LPIN1: variants seen among roughly 807,000 people sequenced by gnomAD.
LPIN1 encodes phosphatidate phosphatase LPIN1.
Under a neutral mutation model 107.5 loss-of-function variants are expected in LPIN1, and 71 were observed. The ratio of observed to expected loss-of-function variants is 0.66; its 90% CI spans 0.55 to 0.80. LPIN1 has a LOEUF of 0.80. LPIN1 is among the 30% of genes least tolerant of loss of function. The probability of loss-of-function intolerance (pLI) is 0.00; values close to 1 mark genes in which losing one functional copy is unlikely to be tolerated. For missense variants in LPIN1, 1,043 were observed against 1,160.6 expected, an observed-to-expected ratio of 0.90 and a Z score of 1.47; for synonymous variants, 445 against 452.6, an observed-to-expected ratio of 0.98 and a Z score of 0.21.
At chr2:11,768,360 C>T (rs867176923) in intron 3 of LPIN1, among the ~76,000 whole-genome samples, 14 of 152,252 alleles carry the variant, frequency 9.2e-5, no homozygotes, top group African/African-American at 3.4e-4. Context: ...TTCATCAACC[C>T]CAAAAGAAAC....
Position 11,802,947 on chromosome 2 carries a change from G to A in LPIN1, c.1927G>A (p.Ala643Thr), listed in dbSNP as rs1678025189. 1.2e-6 allele frequency: 2 copies of A among 1,613,380 alleles called. No individual in the cohort carries two copies. The highest frequency in any genetic ancestry group is 1.7e-5 in the Admixed American group (1 of 60,014). The change falls in exon 15 of 21, where the codon GCT becomes ACT. Residue 643 changes from alanine to threonine, a missense_variant. By Grantham distance (58) the Ala-to-Thr change is moderately conservative. Transcript: ENST00000674199. The stretch of plus-strand genomic sequence containing the variant: ...ATCCTCCAGTGATGAGGAGCGCGCA[G>A]CTGCCAAGCCATCAAACGCAGGCCA... ...ESSSSDEERAAAKPSNAGHLP... is the reference protein window; with the variant it reads ...ESSSSDEERATAKPSNAGHLP...
chr2:11,822,687 T>G (rs1277103354), intron 20 of LPIN1, among the ~76,000 whole-genome samples: 5 of 152,086 alleles, frequency 3.3e-5, no homozygotes, highest in Non-Finnish European at 7.4e-5. Flanking sequence ...ACGTGGGAAT[T>G]CAAGATGAGA....
At chr2:11,751,157 C>T (rs1667730283) in intron 1 of LPIN1, among the ~76,000 whole-genome samples, 2 of 152,318 alleles carry the variant, frequency 1.3e-5, no homozygotes, top group South Asian at 4.2e-4. Flanking sequence ...GAACAAGCGT[C>T]ACCTGGGGTT....
intron 1 of LPIN1, among the ~76,000 whole-genome samples, chr2:11,701,716 A>G (rs763763054): frequency 2.0e-5 from 3 of 152,226 alleles, no homozygotes; most frequent in Non-Finnish European, 4.4e-5. Context: ...GAAAAGTTAA[A>G]TGACTAGGTC....
Position 11,826,513 on chromosome 2 carries a change from CAAAAAAAAAAAAA to C in LPIN1, c.*1734_*1746del, listed in dbSNP as rs11287978. ...TGGGTGACAGAGTAAGACTCCATGT[CAAAAAAAAAAAAA>C]AAAAAAAAAAAGTCCTGCCTTAACT... On this transcript the variant is annotated 3_prime_UTR_variant, in exon 21 of 21. Coordinates refer to ENST00000674199, the MANE Select transcript of LPIN1 (RefSeq NM_001349206.2). 1.3e-4 allele frequency: 10 copies of C among 74,744 alleles called. No homozygotes were observed. Among genetic ancestry groups the C allele is most frequent in the African/African-American group, 4.4e-4 (8 of 18,156 alleles). 4.6% of individuals were successfully genotyped at this position (74,744 alleles called of 1,614,324 possible).
Position 11,788,411 on chromosome 2 carries a change from A to C in LPIN1, c.1668A>C (p.Ala556=). ...GATATTATAACTGGACAACAGCAGC[A>C]CCCCTCCTCCTGGCAATGCAGGCCT... ...GSKYYNWTTA[A]PLLLAMQAFQ... is the part of the protein sequence containing the mutation. Residue 556 remains alanine (A), a synonymous_variant, in exon 12 of 21, where the codon GCA becomes GCC. Transcript: ENST00000674199. 6.2e-7 allele frequency: 1 copy of C among 1,613,856 alleles called. No individual in the cohort carries two copies. Among genetic ancestry groups the C allele is most frequent in the Non-Finnish European group, 8.5e-7 (1 of 1,179,846 alleles).
chr2:11,740,807 C>T (rs1265915923), intron 1 of LPIN1, among the ~76,000 whole-genome samples: 3 of 151,868 alleles, frequency 2.0e-5, no homozygotes, highest in Admixed American at 6.6e-5. Flanking sequence ...AATTTGAAGC[C>T]ATCTTCCCAG....
chr2:11,770,869 T>A (rs1336806842), intron 3 of LPIN1, among the ~76,000 whole-genome samples: 1 of 152,178 alleles, frequency 6.6e-6, no homozygotes, highest in Non-Finnish European at 1.5e-5. Flanking sequence ...GGGCTATCGG[T>A]TGTTTTACGT....
chr2:11,781,091 T>C (rs1360908397), intron 7 of LPIN1, among the ~76,000 whole-genome samples: 1 of 152,242 alleles, frequency 6.6e-6, no homozygotes, highest in African/African-American at 2.4e-5. Flanking sequence ...GCCTCTTGCA[T>C]CCCCAATAAA....
chr2:11,822,577 T>A (rs1226386912), intron 20 of LPIN1, among the ~76,000 whole-genome samples: 2 of 152,114 alleles, frequency 1.3e-5, no homozygotes, highest in Admixed American at 1.3e-4. Flanking sequence ...AAACTCCCCC[T>A]TATAAAACCA....
intron 1 of LPIN1, among the ~76,000 whole-genome samples, chr2:11,755,158 G>A (rs573625742): frequency 1.3e-5 from 2 of 152,002 alleles, no homozygotes; most frequent in Admixed American, 6.5e-5. Flanking sequence ...TAGCAGAGAC[G>A]GGGTTTCACC....
intron 1 of LPIN1, among the ~76,000 whole-genome samples, chr2:11,760,856 C>T (rs1013833653): frequency 3.3e-5 from 5 of 152,130 alleles, no homozygotes; most frequent in African/African-American, 9.7e-5. Context: ...TCTCATCATT[C>T]GGTGACAAAC....
At chr2:11,710,727 G>C (rs368202741) in intron 1 of LPIN1, among the ~76,000 whole-genome samples, 3 of 152,078 alleles carry the variant, frequency 2.0e-5, no homozygotes, top group Admixed American at 6.5e-5. Flanking sequence ...CTTGCCAAAG[G>C]CCACACAGCT....
upstream of LPIN1, among the ~76,000 whole-genome samples, chr2:11,721,444 C>G (rs1312035174): frequency 1.3e-5 from 2 of 152,002 alleles, no homozygotes; most frequent in Non-Finnish European, 2.9e-5. Context: ...GGACCGAGTT[C>G]CCCAGGTGAC....
At chr2:11,724,153 T>A (rs1372964567), upstream of LPIN1, 1 of 162,340 alleles carries the variant, frequency 6.2e-6, no homozygotes, top group African/African-American at 2.4e-5. Context: ...GCCTCTGGTG[T>A]GGACCAGGCT....
At chr2:11,816,073 T>C (rs1388334424) in intron 18 of LPIN1, 1 of 152,258 alleles carries the variant, frequency 6.6e-6, no homozygotes, top group Non-Finnish European at 1.5e-5. Flanking sequence ...GAAGACCAGA[T>C]GAACTGTTTG....
chr2:11,767,301 G>C lies in LPIN1; in HGVS notation c.193-462G>C, dbSNP rs1294535058. On this transcript the variant is annotated intron_variant, in intron 2 of 20. Coordinates refer to ENST00000674199, the MANE Select transcript of LPIN1 (RefSeq NM_001349206.2). ...TTCCAGGGTGTAATTTCTAATGTCT[G>C]GGGCTGGGGAAGCTTTGATTGCAGC... is the stretch of plus-strand genomic sequence containing the variant. The C allele has an allele frequency of 2.1e-5, 4 of 191,676 alleles. No homozygotes were observed. The East Asian group carries it at 5.1e-4, about 24-fold the overall frequency. The allele number at this position is 191,676 out of a possible 1,614,324, so 11.9% of individuals were successfully genotyped here. A position where few individuals can be genotyped will look rare whatever the true frequency, so the allele number is the denominator to read the frequency against.
At chr2:11,793,064 A>G (rs897891339) in intron 13 of LPIN1, among the ~76,000 whole-genome samples, 6 of 152,188 alleles carry the variant, frequency 3.9e-5, no homozygotes, top group African/African-American at 1.4e-4. Flanking sequence ...CCACTTATCA[A>G]GTAGTCGACT....
chr2:11,736,968 G>C (rs753653891), intron 1 of LPIN1, among the ~76,000 whole-genome samples: 1 of 152,242 alleles, frequency 6.6e-6, no homozygotes, highest in East Asian at 1.9e-4. Flanking sequence ...ATGAAGCCTG[G>C]AGTGCTAGAC....
Sources: allele counts gnomAD v4.1 joint callset (sites outside exome capture counted in the v4.1 genomes callset), GRCh38; gene constraint gnomAD v4.1.1; transcripts MANE v1.5; gene names NCBI Gene and HGNC (gene_info 2026-07-23, HGNC 2026-07-21).